The following INHBC variants were observed in gnomAD, a reference collection of about 807,000 sequenced individuals.
INHBC encodes the protein inhibin beta C chain.
In INHBC, 10 loss-of-function variants were observed where a neutral mutation model predicts 12.4. The observed-to-expected ratio is 0.81, with a 90% CI of 0.50 to 1.37. The LOEUF (loss-of-function observed/expected upper bound fraction) is 1.37. Among genes scored for constraint, INHBC ranks in the 40% most tolerant of loss-of-function variants. The pLI, the probability that INHBC is intolerant of heterozygous loss-of-function variation, is 0.00. For missense variants in INHBC, 382 were observed against 439.4 expected (o/e 0.87, Z 1.17); for synonymous variants, 147 against 171.6 (o/e 0.86, Z 1.12).
intron 1 of INHBC, among the ~76,000 whole-genome samples, chr12:57,442,973 A>C (rs1199385289): frequency 6.6e-6 from 1 of 150,672 alleles, no homozygotes. Context: ...CCCAGGCGAC[A>C]AGAGTGAGAC....
chr12:57,436,479 T>C lies in INHBC; in HGVS notation c.313+1280T>C, dbSNP rs568939694. On this transcript the variant is annotated intron_variant, in intron 1 of 1. Transcript: ENST00000309668. ...TGCCTGGCCTTTTCTTTTTCTTTTT[T>C]TTTTTTTTTTTTTGAGACAGAGTCT... 3.3e-3 allele frequency among the ~76,000 whole-genome samples: 463 copies of C among 141,114 alleles called. 3 individuals carry two copies. Among genetic ancestry groups the C allele is most frequent in the Middle Eastern group, 7.1e-3 (2 of 282 alleles). 92.6% of individuals were successfully genotyped at this position (141,114 alleles called of 152,430 possible). A position where few individuals can be genotyped will look rare whatever the true frequency, so the allele number is the denominator to read the frequency against.
chr12:57,446,870 C>T (rs1870590424), intron 1 of INHBC, among the ~76,000 whole-genome samples: 1 of 151,932 alleles, frequency 6.6e-6, no homozygotes, highest in Non-Finnish European at 1.5e-5. Flanking sequence ...ATAGAGTGGC[C>T]ACTGTTATAA....
At chr12:57,440,620 C>T (rs997348915) in intron 1 of INHBC, among the ~76,000 whole-genome samples, 2 of 151,960 alleles carry the variant, frequency 1.3e-5, no homozygotes, top group Admixed American at 6.6e-5. Flanking sequence ...TGTTAGCCAC[C>T]GCACCCAGCC....
chr12:57,438,249 A>ATAGCT (rs1378787742), intron 1 of INHBC, among the ~76,000 whole-genome samples: 2 of 152,224 alleles, frequency 1.3e-5, no homozygotes, highest in African/African-American at 4.8e-5. Flanking sequence ...TAATACAGGT[A>ATAGCT]AAGTACTTTG....
Position 57,439,455 on chromosome 12 carries a change from GT to G in INHBC, c.313+4257del, listed in dbSNP as rs367566786. On this transcript the variant is annotated intron_variant, in intron 1 of 1. Transcript: ENST00000309668. ...CAGCCCTTGGCCTCTACCTGCTGAG[GT>G]GTCTTTCCTTTTAAATAGGAAATAA... Among the ~76,000 whole-genome samples, 277 of 152,262 alleles carry G rather than the reference GT, an allele frequency of 1.8e-3. 1 individual carries two copies. Among genetic ancestry groups the G allele is most frequent in the African/African-American group, 5.4e-3 (224 of 41,548 alleles).
Position 57,449,522 on chromosome 12 carries a change from C to G in INHBC, c.559C>G (p.Gln187Glu). The G allele has an allele frequency of 6.2e-7, 1 of 1,614,200 alleles. No individual in the cohort carries two copies. The highest frequency in any genetic ancestry group is 8.5e-7 in the Non-Finnish European group (1 of 1,180,028). ...WHQLPLGPEA[Q>E]AACSQGHLTL... ...TCAACTCCCCCTAGGGCCTGAAGCT[C>G]AAGCTGCCTGCAGCCAGGGGCACCT... Residue 187 changes from glutamine to glutamate, a missense_variant, in exon 2 of 2, where the codon CAA (glutamine) becomes GAA (glutamate). By Grantham distance (29) the Gln-to-Glu change is conservative. Coordinates refer to ENST00000309668, the MANE Select transcript of INHBC (RefSeq NM_005538.4).
chr12:57,438,567 A>C (rs1870397102), intron 1 of INHBC, among the ~76,000 whole-genome samples: 1 of 152,222 alleles, frequency 6.6e-6, no homozygotes, highest in African/African-American at 2.4e-5. Flanking sequence ...GATAATTTCA[A>C]TGTGTAAATT....
intron 1 of INHBC, among the ~76,000 whole-genome samples, chr12:57,443,063 G>A (rs995023098): frequency 2.1e-5 from 3 of 143,392 alleles, no homozygotes; most frequent in Non-Finnish European, 4.5e-5. Flanking sequence ...TTCATACCCC[G>A]CCTTTTTGAG....
rs1870295894 is a variant in INHBC, at chr12:57,434,872, G to A, written c.-15G>A. On this transcript the variant is annotated 5_prime_UTR_variant, in exon 1 of 2. Coordinates refer to ENST00000309668, the MANE Select transcript of INHBC (RefSeq NM_005538.4). ...GCCCTGAGTCTGTATTGCTCAAGAAGGGCCTTCCCCAGCAATGACCTCCTC... is the reference window on the plus strand; with the variant it reads ...GCCCTGAGTCTGTATTGCTCAAGAAAGGCCTTCCCCAGCAATGACCTCCTC... 2 of 1,598,256 alleles carry A rather than the reference G, an allele frequency of 1.3e-6. No homozygotes were observed. Among genetic ancestry groups the A allele is most frequent in the Non-Finnish European group, 8.5e-7 (1 of 1,170,588 alleles).
In INHBC at chr12:57,450,116, G is replaced by C. The variant is rs1164639021; in HGVS notation, c.*94G>C. 7.6e-7 allele frequency: 1 copy of C among 1,315,770 alleles called. No individual in the cohort carries two copies. The highest frequency in any genetic ancestry group is 1.0e-6 in the Non-Finnish European group (1 of 994,856). 81.5% of individuals were successfully genotyped at this position (1,315,770 alleles called of 1,614,324 possible). On this transcript the variant is annotated 3_prime_UTR_variant, in exon 2 of 2. Transcript: ENST00000309668. ...AGAGGAGGGAATGACCTCATTCTCT[G>C]TCCAGAATGTGGACTCCCTCTTCCT...
In INHBC at chr12:57,435,009, G is replaced by T; in HGVS notation, c.123G>T (p.Glu41Asp). 6.2e-7 allele frequency: 1 copy of T among 1,614,190 alleles called. No homozygotes were observed. Among genetic ancestry groups the T allele is most frequent in the Non-Finnish European group, 8.5e-7 (1 of 1,180,046 alleles). ...CCTTGGAACTGGAGAGCCAGCGGGA[G>T]CTGCTTCTTGATCTGGCCAAGAGAA... ...GPTLELESQR[E>D]LLLDLAKRSI... The change falls in exon 1 of 2, where the codon GAG becomes GAT. Residue 41 changes from glutamate (E) to aspartate (D), a missense_variant. Transcript: ENST00000309668.
chr12:57,446,254 TA>T (rs552344272), intron 1 of INHBC, among the ~76,000 whole-genome samples: 275 of 151,780 alleles, frequency 1.8e-3, no homozygotes, highest in African/African-American at 6.3e-3. Flanking sequence ...TTTTTTTAAT[TA>T]AAAAAAGAGA....
chr12:57,439,129 A>G (rs1214446007), intron 1 of INHBC, among the ~76,000 whole-genome samples: 2 of 152,192 alleles, frequency 1.3e-5, no homozygotes, highest in Non-Finnish European at 2.9e-5. Context: ...GTTATTAAAC[A>G]TTTACCAGCA....
rs1383736191 is a variant in INHBC at position 57,451,229 on chromosome 12, CA to C, written c.*1211del. ...TTACCTGTTCCCTCTGTAATCCCTC[CA>C]AAAGATGAGACAGATCTATGCTTGG... On this transcript the variant is annotated 3_prime_UTR_variant, in exon 2 of 2. Coordinates refer to ENST00000309668, the MANE Select transcript of INHBC (RefSeq NM_005538.4). Among the ~76,000 whole-genome samples, 1 of 152,204 alleles carries C rather than the reference CA, an allele frequency of 6.6e-6. No individual in the cohort carries two copies. The highest frequency in any genetic ancestry group is 1.9e-4 in the East Asian group (1 of 5,200).
At chr12:57,436,500 A>G (rs1489453873) in intron 1 of INHBC, among the ~76,000 whole-genome samples, 2 of 117,370 alleles carry the variant, frequency 1.7e-5, no homozygotes, top group African/African-American at 6.6e-5. Context: ...TTTGAGACAG[A>G]GTCTTCATCT....
chr12:57,434,813 GA>G lies in INHBC; in HGVS notation c.-73del. On this transcript the variant is annotated 5_prime_UTR_variant, in exon 1 of 2. Transcript: ENST00000309668. ...TTCTTCCAGGGCCTCTGGCAGCCAG[GA>G]CAGAGTTGAGACCACAGCTGTTGAG... The G allele has an allele frequency of 7.1e-7, 1 of 1,411,668 alleles. No homozygotes were observed. Among genetic ancestry groups the G allele is most frequent in the Non-Finnish European group, 9.7e-7 (1 of 1,032,782 alleles). 87.4% of individuals were successfully genotyped at this position (1,411,668 alleles called of 1,614,324 possible).
At chr12:57,442,357 T>G (rs1870484935) in intron 1 of INHBC, among the ~76,000 whole-genome samples, 1 of 152,172 alleles carries the variant, frequency 6.6e-6, no homozygotes. Flanking sequence ...AACAGTGTAA[T>G]AGTCTACTAC....
intron 1 of INHBC, among the ~76,000 whole-genome samples, chr12:57,436,283 G>A (rs957494762): frequency 1.5e-4 from 23 of 148,706 alleles, no homozygotes; most frequent in Admixed American, 1.2e-3. Flanking sequence ...TCCCACCTCA[G>A]CCTCCCGAGT....
At position 57,440,720 on chromosome 12, in the gene INHBC, G is replaced by A. The variant is rs1430842323; in HGVS notation, c.313+5521G>A. On this transcript the variant is annotated intron_variant, in intron 1 of 1. Coordinates refer to ENST00000309668, the MANE Select transcript of INHBC (RefSeq NM_005538.4). ...ACTGGCATTTTCAGCATTCTGCCTG[G>A]AAATATCATTAGCTAAATTCACAAC... is the stretch of plus-strand genomic sequence containing the variant. 2.6e-5 allele frequency among the ~76,000 whole-genome samples: 4 copies of A among 152,120 alleles called. No individual in the cohort carries two copies. In the East Asian group the frequency reaches 7.7e-4, roughly 29 times the overall value.
Sources: gnomAD v4.1 joint callset for allele counts (sites outside exome capture counted in the v4.1 genomes callset) on GRCh38, gnomAD v4.1.1 for gene constraint, MANE v1.5 for transcripts, NCBI Gene and HGNC (gene_info 2026-07-23, HGNC 2026-07-21) for gene names.